The following SLC36A1 variants were observed in gnomAD, a reference collection of about 807,000 sequenced individuals.
The protein encoded by SLC36A1 is proton-coupled amino acid transporter 1.
SLC36A1 carries 30 observed loss-of-function variants against 47.5 expected under a neutral mutation model. The observed-to-expected ratio is 0.63, with a 90% confidence interval of 0.47 to 0.86. SLC36A1 has a LOEUF of 0.86. SLC36A1 is among the 40% of genes least tolerant of loss of function. The pLI, the probability that SLC36A1 is intolerant of heterozygous loss-of-function variation, is 0.00. For synonymous variants in SLC36A1, 255 were observed against 249.7 expected (o/e 1.02, Z -0.20); for missense variants, 517 against 606.0 (o/e 0.85, Z 1.54).
At chr5:151,506,051 G>T in the SLC36A1 span, 2 of 1,555,568 alleles carry the variant, frequency 1.3e-6, no homozygotes, top group Non-Finnish European at 1.7e-6. Flanking sequence ...CCCAGCGTTC[G>T]TTCCTGGAGT....
the SLC36A1 span, chr5:151,543,942 T>G: frequency 6.2e-7 from 1 of 1,614,012 alleles, no homozygotes; most frequent in Admixed American, 1.7e-5. Context: ...GAACCAGGTG[T>G]CCACAGGTTG....
chr5:151,427,440 A>C, the SLC36A1 span, among the ~76,000 whole-genome samples: 1 of 152,176 alleles, frequency 6.6e-6, no homozygotes. Flanking sequence ...CTGTTCTGGC[A>C]ACCACCATGT....
the SLC36A1 span, chr5:151,527,937 C>T: frequency 2.5e-6 from 4 of 1,581,972 alleles, no homozygotes; most frequent in Non-Finnish European, 3.4e-6. Flanking sequence ...TCTGGACCTG[C>T]AGTGGGACTG....
chr5:151,421,037 AT>A, the SLC36A1 span, among the ~76,000 whole-genome samples: 3 of 147,700 alleles, frequency 2.0e-5, no homozygotes, highest in African/African-American at 2.5e-5. Context: ...CACTCAGCTA[AT>A]TTTTTTTTGT....
chr5:151,476,717 A>G lies in SLC36A1; in HGVS notation c.950A>G (p.Asn317Ser). The G allele has an allele frequency of 6.2e-7, 1 of 1,613,010 alleles. No individual in the cohort carries two copies. Among genetic ancestry groups the G allele is most frequent in the Non-Finnish European group, 8.5e-7 (1 of 1,179,378 alleles). Residue 317 changes from asparagine (N) to serine (S), a missense_variant, in exon 9 of 11, where the codon AAT becomes AGT. Transcript: ENST00000243389. ...GCLGYLQFGA[N>S]IQGSITLNLP... ...CTGGGGTACCTGCAATTTGGAGCTA[A>G]TATCCAAGGCAGCATAACCCTCAAC...
the SLC36A1 span, among the ~76,000 whole-genome samples, chr5:151,358,702 G>A: frequency 6.6e-6 from 1 of 151,662 alleles, no homozygotes; most frequent in East Asian, 2.0e-4. Flanking sequence ...GGCCGGGCGC[G>A]GTGGCTCACG....
chr5:151,366,200 G>A, the SLC36A1 span, among the ~76,000 whole-genome samples: 3 of 152,198 alleles, frequency 2.0e-5, no homozygotes, highest in Non-Finnish European at 4.4e-5. Context: ...CAGATCTGAT[G>A]GGGGTAAATG....
the SLC36A1 span, among the ~76,000 whole-genome samples, chr5:151,518,365 A>C: frequency 1.4e-5 from 1 of 69,120 alleles, no homozygotes; most frequent in Non-Finnish European, 3.5e-5. Context: ...TAATAATAAT[A>C]ATAATAATAA....
At chr5:151,483,308 A>ATT (rs1759057631) in intron 10 of SLC36A1, among the ~76,000 whole-genome samples, 1 of 152,180 alleles carries the variant, frequency 6.6e-6, no homozygotes, top group Admixed American at 6.5e-5. Flanking sequence ...CAGCAGTTTA[A>ATT]AAGCTCATAT....
At chr5:151,357,418 G>GA in the SLC36A1 span, among the ~76,000 whole-genome samples, 18 of 152,204 alleles carry the variant, frequency 1.2e-4, no homozygotes, top group Non-Finnish European at 2.2e-4. Flanking sequence ...GCTGTTTTTG[G>GA]AGAGTAGGAG....
Position 151,463,122 on chromosome 5 carries a change from G to A in SLC36A1, c.144-431G>A, listed in dbSNP as rs141842040. Among the ~76,000 whole-genome samples the A allele has an allele frequency of 3.9e-5, 6 of 152,220 alleles. No individual in the cohort carries two copies. In the East Asian group the frequency reaches 5.8e-4, roughly 15 times the overall value. ...AACTCCTGACCTCAGGTGATCCACC[G>A]CTTCGGCCTCCCAAAGTAGTGGGAT... On this transcript the variant is annotated intron_variant, in intron 2 of 10. Coordinates refer to ENST00000243389, the MANE Select transcript of SLC36A1 (RefSeq NM_078483.4).
the SLC36A1 span, among the ~76,000 whole-genome samples, chr5:151,349,578 C>A: frequency 6.6e-6 from 1 of 152,114 alleles, no homozygotes; most frequent in South Asian, 2.1e-4. Flanking sequence ...GGCATGAGAA[C>A]CCCAAGGGCT....
rs1581198652 is a variant in SLC36A1 at position 151,479,182 on chromosome 5, A to G, written c.990-138A>G. ...CTGTGAGGTAAATTTCTAGACATGA[A>G]ATTGCTGGGTCCGAAGGACATGTGG... is the stretch of plus-strand genomic sequence containing the variant. On this transcript the variant is annotated intron_variant, in intron 9 of 10. Coordinates refer to ENST00000243389, the MANE Select transcript of SLC36A1 (RefSeq NM_078483.4). 5 of 808,708 alleles carry G rather than the reference A, an allele frequency of 6.2e-6. No homozygotes were observed. The East Asian group carries it at 1.0e-4, about 16-fold the overall frequency. The allele number at this position is 808,708 out of a possible 1,614,324, so 50.1% of individuals were successfully genotyped here.
the SLC36A1 span, chr5:151,380,657 C>T: frequency 1.8e-6 from 1 of 552,754 alleles, no homozygotes; most frequent in Non-Finnish European, 3.7e-6. Flanking sequence ...GTCAACCCAG[C>T]CCTAGTCAAA....
the SLC36A1 span, chr5:151,521,702 T>G: frequency 6.2e-7 from 1 of 1,613,956 alleles, no homozygotes. Flanking sequence ...CCCATCCACA[T>G]GGCCTGCTGC....
chr5:151,345,913 GGAGGAGAGAACTATCATTGACA>G, the SLC36A1 span, among the ~76,000 whole-genome samples: 1 of 152,170 alleles, frequency 6.6e-6, no homozygotes, highest in Non-Finnish European at 1.5e-5. Context: ...AAATCTCCCA[GGAGGAGAGAACTATCATTGACA>G]GAGGAGAAAC....
the SLC36A1 span, chr5:151,380,918 T>G: frequency 2.5e-6 from 1 of 405,710 alleles, no homozygotes; most frequent in Admixed American, 3.3e-5. Context: ...GCCGCAAGCA[T>G]TGGCAATGCT....
At chr5:151,506,012 G>T in the SLC36A1 span, 1 of 1,575,408 alleles carries the variant, frequency 6.3e-7, no homozygotes, top group Non-Finnish European at 8.6e-7. Flanking sequence ...GCGGCAGAGG[G>T]CCCTGAGTCA....
At chr5:151,502,087 G>A in the SLC36A1 span, among the ~76,000 whole-genome samples, 1 of 147,958 alleles carries the variant, frequency 6.8e-6, no homozygotes, top group South Asian at 2.1e-4. Flanking sequence ...GGAGGCGGGT[G>A]GATCACCTGA....
Sources: allele counts gnomAD v4.1 joint callset (sites outside exome capture counted in the v4.1 genomes callset), GRCh38; gene constraint gnomAD v4.1.1; transcripts MANE v1.5; gene names NCBI Gene and HGNC (gene_info 2026-07-23, HGNC 2026-07-21).